Variants in GSTA4 observed in about 807,000 individuals in gnomAD.
The protein encoded by GSTA4 is glutathione S-transferase A4.
A neutral mutation model predicts 24.4 loss-of-function variants in GSTA4; 15 were observed. The ratio of observed to expected loss-of-function variants is 0.61; its 90% CI spans 0.41 to 0.95. GSTA4 has a LOEUF of 0.95. GSTA4 is among the 40% of genes least tolerant of loss of function. GSTA4 has a pLI of 0.00. For synonymous variants in GSTA4, 92 were observed against 94.2 expected (o/e 0.98, Z 0.13); for missense variants, 244 against 262.1 (o/e 0.93, Z 0.48).
At chr6:52,986,043 C>T (rs1158505198) in intron 3 of GSTA4, among the ~76,000 whole-genome samples, 2 of 150,984 alleles carry the variant, frequency 1.3e-5, no homozygotes, top group South Asian at 2.1e-4. Context: ...CAAGACTCTA[C>T]CTCGAAAAAA....
rs72550711 is a variant in GSTA4, at chr6:52,978,361, C to G, written c.*109G>C. ...GACACAAAAGACCCAACTTAGGACC[C>G]AACTTAATACATAGATAGCACCATG... On this transcript the variant is annotated 3_prime_UTR_variant, in exon 7 of 7. Coordinates refer to ENST00000370963, the MANE Select transcript of GSTA4 (RefSeq NM_001512.4). The G allele has an allele frequency of 8.9e-7, 1 of 1,122,936 alleles. No individual in the cohort carries two copies. Among genetic ancestry groups the G allele is most frequent in the Non-Finnish European group, 1.3e-6 (1 of 777,924 alleles). The allele number at this position is 1,122,936 out of a possible 1,614,324, so 69.6% of individuals were successfully genotyped here.
intron 2 of GSTA4, among the ~76,000 whole-genome samples, chr6:52,991,055 C>T (rs1763650211): frequency 6.6e-6 from 1 of 152,192 alleles, no homozygotes; most frequent in Admixed American, 6.5e-5. Context: ...AAAATAAAAA[C>T]AAAGAACAAA....
chr6:52,986,630 G>A (rs1042584787), intron 3 of GSTA4, among the ~76,000 whole-genome samples: 1 of 152,202 alleles, frequency 6.6e-6, no homozygotes, highest in Non-Finnish European at 1.5e-5. Flanking sequence ...GAGGGTTTGA[G>A]CATTCGGAGC....
chr6:52,994,740 C>T (rs1763735194), intron 1 of GSTA4, among the ~76,000 whole-genome samples: 1 of 152,194 alleles, frequency 6.6e-6, no homozygotes, highest in African/African-American at 2.4e-5. Context: ...GTGAACAGGC[C>T]GAGTACTACT....
At chr6:52,992,045 G>A (rs1175638575) in intron 2 of GSTA4, among the ~76,000 whole-genome samples, 2 of 148,064 alleles carry the variant, frequency 1.4e-5, no homozygotes, top group Non-Finnish European at 3.0e-5. Context: ...GTGAGCCACC[G>A]TGCCGGCTGG....
rs772570750 is a variant in GSTA4, at chr6:52,984,539, T to C, written c.339A>G (p.Lys113=). ...LELLIMHPFL[K]PDDQQKEVVN... is the part of the protein sequence containing the mutation. ...CCACTTCCTTTTGCTGATCATCTGG[T>C]TTTAAGAAAGGATGCATGATAAGCA... The change falls in exon 5 of 7, where the codon AAA becomes AAG. Residue 113 remains lysine (K), a synonymous_variant. Transcript: ENST00000370963. The C allele has an allele frequency of 6.2e-7, 1 of 1,613,266 alleles. No homozygotes were observed. The highest frequency in any genetic ancestry group is 1.1e-5 in the South Asian group (1 of 91,056).
chr6:52,985,722 C>A, intron 3 of GSTA4, 139 bp from the exon 4 acceptor site: 1 of 894,380 alleles, frequency 1.1e-6, no homozygotes, highest in South Asian at 1.6e-5. Flanking sequence ...GACAGATAAC[C>A]TTAACTTCAT....
At chr6:52,979,778 TAATA>T (rs1042672047) in intron 6 of GSTA4, among the ~76,000 whole-genome samples, 14 of 152,200 alleles carry the variant, frequency 9.2e-5, no homozygotes, top group Admixed American at 2.0e-4. Flanking sequence ...ACAAAAACCC[TAATA>T]ATGATGCCAA....
intron 2 of GSTA4, chr6:52,993,886 G>C: frequency 8.2e-6 from 4 of 490,174 alleles, no homozygotes; most frequent in Non-Finnish European, 1.5e-5. Context: ...ACAATTTTCA[G>C]GTAAATTTCC....
At chr6:52,986,572 A>G (rs1763561799) in intron 3 of GSTA4, among the ~76,000 whole-genome samples, 1 of 152,220 alleles carries the variant, frequency 6.6e-6, no homozygotes, top group African/African-American at 2.4e-5. Flanking sequence ...CACTTTCCAC[A>G]TACCAAACCC....
chr6:52,984,718 G>C, intron 4 of GSTA4, 113 bp from the exon 5 acceptor site: 2 of 847,306 alleles, frequency 2.4e-6, no homozygotes, highest in Non-Finnish European at 3.7e-6. Flanking sequence ...TGCAACTTAA[G>C]TCCCTAGAAG....
chr6:52,989,893 G>C (rs2127387300), intron 2 of GSTA4, among the ~76,000 whole-genome samples: 1 of 152,246 alleles, frequency 6.6e-6, no homozygotes, highest in Admixed American at 6.5e-5. Flanking sequence ...ACACAGGCTG[G>C]AGTGCAGTGG....
chr6:52,982,352 T>TAA (rs67390777), intron 6 of GSTA4, among the ~76,000 whole-genome samples: 13,122 of 150,296 alleles, frequency 0.087, 778 homozygotes, highest in Non-Finnish European at 0.12. Context: ...GATCCCACCT[T>TAA]AAAAAAAAAA....
chr6:52,990,034 GGGACAA>G (rs763689830), intron 2 of GSTA4, among the ~76,000 whole-genome samples: 1 of 152,004 alleles, frequency 6.6e-6, no homozygotes, highest in Non-Finnish European at 1.5e-5. Flanking sequence ...GATATATGCA[GGGACAA>G]GGTGCTCAAC....
At chr6:52,979,366 A>C (rs1763406526) in intron 6 of GSTA4, among the ~76,000 whole-genome samples, 1 of 152,240 alleles carries the variant, frequency 6.6e-6, no homozygotes, top group Admixed American at 6.5e-5. Context: ...GCTTCTTCAG[A>C]GTTTTTACTC....
At chr6:52,980,818 G>A (rs906139972) in intron 6 of GSTA4, among the ~76,000 whole-genome samples, 2 of 152,146 alleles carry the variant, frequency 1.3e-5, no homozygotes, top group Non-Finnish European at 2.9e-5. Context: ...ATGTTTCCAA[G>A]CTGGTAATTT....
rs1048534833 is a variant in GSTA4, at chr6:52,985,320, C to T, written c.272+131G>A. The T allele has an allele frequency of 2.3e-5, 17 of 744,560 alleles. No individual in the cohort carries two copies. In the African/African-American group the frequency reaches 3.0e-4, roughly 13 times the overall value. The allele number at this position is 744,560 out of a possible 1,614,324, so 46.1% of individuals were successfully genotyped here. ...AGTTCCAACTGGTCTTCGTGACCTTCTTGGGTTTTTGTTCCCTGATCTCAC... is the reference window on the plus strand; with the variant it reads ...AGTTCCAACTGGTCTTCGTGACCTTTTTGGGTTTTTGTTCCCTGATCTCAC... On this transcript the variant is annotated intron_variant, in intron 4 of 6. Transcript: ENST00000370963.
chr6:52,992,617 C>G (rs1438630099), intron 2 of GSTA4, among the ~76,000 whole-genome samples: 1 of 152,152 alleles, frequency 6.6e-6, no homozygotes, highest in East Asian at 1.9e-4. Flanking sequence ...AACCCATAAC[C>G]TCAGTCTAAT....
At chr6:52,988,384 G>A (rs189167104) in intron 2 of GSTA4, among the ~76,000 whole-genome samples, 425 of 152,092 alleles carry the variant, frequency 2.8e-3, no homozygotes, top group African/African-American at 7.8e-3. Flanking sequence ...TTATAATGGA[G>A]AGATCGGGAG....
Sources: allele counts gnomAD v4.1 joint callset (sites outside exome capture counted in the v4.1 genomes callset), GRCh38; gene constraint gnomAD v4.1.1; transcripts MANE v1.5; gene names NCBI Gene and HGNC (gene_info 2026-07-23, HGNC 2026-07-21).